Variants in TRPS1 observed in about 807,000 individuals in gnomAD.
TRPS1 encodes zinc finger transcription factor Trps1.
A neutral mutation model predicts 101.2 loss-of-function variants in TRPS1; 6 were observed. That is an observed-to-expected ratio of 0.06 (90% CI 0.03 to 0.12). The LOEUF (loss-of-function observed/expected upper bound fraction) is 0.12. TRPS1 is among the 10% of genes least tolerant of loss of function. The probability of loss-of-function intolerance (pLI) is 1.00; values close to 1 mark genes in which losing one functional copy is unlikely to be tolerated. For missense variants in TRPS1, 1,363 were observed against 1,567.0 expected (o/e 0.87, Z 2.20); for synonymous variants, 578 against 589.8 (o/e 0.98, Z 0.29).
chr8:115,434,263 G>T (rs1018286520), intron 5 of TRPS1, among the ~76,000 whole-genome samples: 1 of 151,944 alleles, frequency 6.6e-6, no homozygotes. Context: ...TAAAATACTT[G>T]GCCTTATATT....
At chr8:115,461,250 AGGAT>A (rs1220956113) in intron 5 of TRPS1, among the ~76,000 whole-genome samples, 2 of 137,290 alleles carry the variant, frequency 1.5e-5, no homozygotes, top group African/African-American at 5.5e-5. Context: ...TAAATAGACA[AGGAT>A]AGATAGATAG....
At chr8:115,596,175 C>A (rs1227284409) in intron 4 of TRPS1, among the ~76,000 whole-genome samples, 3 of 151,914 alleles carry the variant, frequency 2.0e-5, no homozygotes, top group Non-Finnish European at 4.4e-5. Flanking sequence ...ATTCGTAAAT[C>A]TCCTAATACA....
At chr8:115,645,715 T>A (rs560639430) in intron 1 of TRPS1, among the ~76,000 whole-genome samples, 1 of 152,264 alleles carries the variant, frequency 6.6e-6, no homozygotes. Flanking sequence ...CAAATATTTT[T>A]AAAAAATGAT....
In TRPS1 at chr8:115,409,278, AAAAC is replaced by A. The variant is rs1812732009; in HGVS notation, c.*4741_*4744del. 6.7e-6 allele frequency: 1 copy of A among 149,962 alleles called. No individual in the cohort carries two copies. The highest frequency in any genetic ancestry group is 1.5e-5 in the Non-Finnish European group (1 of 67,394). 9.3% of individuals were successfully genotyped at this position (149,962 alleles called of 1,614,324 possible). On this transcript the variant is annotated 3_prime_UTR_variant, in exon 7 of 7. Coordinates refer to ENST00000395715, the MANE Select transcript of TRPS1 (RefSeq NM_014112.5). ...TATGTTGGGAAAAAAAAAAAAAAAAAAAACAGGGGAAAACCAGAATTGAGTTTTG... is the reference window on the plus strand; with the variant it reads ...TATGTTGGGAAAAAAAAAAAAAAAAAAGGGGAAAACCAGAATTGAGTTTTG...
chr8:115,459,365 T>C (rs1814109770), intron 5 of TRPS1, among the ~76,000 whole-genome samples: 1 of 150,780 alleles, frequency 6.6e-6, no homozygotes. Context: ...ACCTTTTCTT[T>C]TTTAACCAAG....
At chr8:115,498,999 T>C (rs1181242818) in intron 5 of TRPS1, among the ~76,000 whole-genome samples, 1 of 152,136 alleles carries the variant, frequency 6.6e-6, no homozygotes, top group East Asian at 1.9e-4. Context: ...TGAAGTACTT[T>C]TAAATAAAAA....
At chr8:115,491,281 A>G (rs1815015589) in intron 5 of TRPS1, among the ~76,000 whole-genome samples, 1 of 152,202 alleles carries the variant, frequency 6.6e-6, no homozygotes, top group African/African-American at 2.4e-5. Flanking sequence ...TAAAACTCCA[A>G]ATAAGGGAGT....
At chr8:115,611,479 A>G (rs1818162176) in intron 3 of TRPS1, among the ~76,000 whole-genome samples, 1 of 152,230 alleles carries the variant, frequency 6.6e-6, no homozygotes, top group African/African-American at 2.4e-5. Context: ...CAAAAAGCTC[A>G]CAACTAAAAA....
chr8:115,546,669 A>T (rs1009593380), intron 5 of TRPS1, among the ~76,000 whole-genome samples: 1 of 152,078 alleles, frequency 6.6e-6, no homozygotes, highest in Admixed American at 6.6e-5. Context: ...TTATTTCCAT[A>T]AATTACTTTT....
chr8:115,539,406 C>A (rs1000768910), intron 5 of TRPS1, among the ~76,000 whole-genome samples: 1 of 152,112 alleles, frequency 6.6e-6, no homozygotes, highest in African/African-American at 2.4e-5. Context: ...TATGTCTAGT[C>A]CCATCCTCTA....
intron 1 of TRPS1, among the ~76,000 whole-genome samples, chr8:115,640,456 C>G (rs750355452): frequency 6.6e-6 from 1 of 152,170 alleles, no homozygotes; most frequent in Non-Finnish European, 1.5e-5. Context: ...GTCTTTGCAA[C>G]GACAAAATGA....
In TRPS1 at chr8:115,619,416, G is replaced by A; in HGVS notation, c.682C>T (p.Leu228=). Residue 228 remains leucine, a synonymous_variant, in exon 3 of 7, where the codon CTG becomes TTG. Transcript: ENST00000395715. ...LVNDNPDPAP[L]SPELQDFKCN... ...TTAAAGTCCTGAAGCTCTGGAGACA[G>A]AGGTGCCGGGTCTGGGTTGTCATTC... 6.2e-7 allele frequency: 1 copy of A among 1,614,228 alleles called. No homozygotes were observed. Among genetic ancestry groups the A allele is most frequent in the Non-Finnish European group, 8.5e-7 (1 of 1,180,042 alleles).
At chr8:115,427,022 A>G (rs1405367663) in intron 5 of TRPS1, among the ~76,000 whole-genome samples, 1 of 152,102 alleles carries the variant, frequency 6.6e-6, no homozygotes, top group Non-Finnish European at 1.5e-5. Flanking sequence ...CTGTAATCCC[A>G]GTGCTTTGGG....
At chr8:115,591,023 T>C (rs1817669337) in intron 4 of TRPS1, among the ~76,000 whole-genome samples, 1 of 152,086 alleles carries the variant, frequency 6.6e-6, no homozygotes, top group Non-Finnish European at 1.5e-5. Context: ...CTTTAGGACA[T>C]GGCCCAGTAG....
chr8:115,508,290 A>G (rs976803503), intron 5 of TRPS1, among the ~76,000 whole-genome samples: 1 of 152,144 alleles, frequency 6.6e-6, no homozygotes. Flanking sequence ...TTGAGAAATA[A>G]ACGCCATTTT....
chr8:115,447,675 T>TTA (rs3069058), intron 5 of TRPS1, among the ~76,000 whole-genome samples: 3 of 151,584 alleles, frequency 2.0e-5, no homozygotes, highest in Non-Finnish European at 2.9e-5. Flanking sequence ...TGTCATATTT[T>TTA]TATATATATA....
chr8:115,469,159 A>G (rs1264183998), intron 5 of TRPS1, among the ~76,000 whole-genome samples: 1 of 152,124 alleles, frequency 6.6e-6, no homozygotes, highest in African/African-American at 2.4e-5. Context: ...AACAAAAACA[A>G]AAACATACAC....
At chr8:115,489,047 T>C (rs1317121997) in intron 5 of TRPS1, among the ~76,000 whole-genome samples, 2 of 152,208 alleles carry the variant, frequency 1.3e-5, no homozygotes, top group African/African-American at 4.8e-5. Context: ...AACACCTTTT[T>C]GTCTACTGAA....
chr8:115,661,777 C>G (rs1473909980), intron 1 of TRPS1: 1 of 147,012 alleles, frequency 6.8e-6, no homozygotes, highest in Middle Eastern at 3.5e-3. Context: ...GTATCATCTT[C>G]CACAAAACCT....
Sources: allele counts gnomAD v4.1 joint callset (sites outside exome capture counted in the v4.1 genomes callset), GRCh38; gene constraint gnomAD v4.1.1; transcripts MANE v1.5; gene names NCBI Gene and HGNC (gene_info 2026-07-23, HGNC 2026-07-21).